ANAPC5: variants seen among roughly 807,000 people sequenced by gnomAD.
ANAPC5 encodes the protein anaphase promoting complex subunit 5.
A neutral mutation model predicts 91.3 loss-of-function variants in ANAPC5; 60 were observed. The observed-to-expected ratio is 0.66, with a 90% CI of 0.53 to 0.81. The LOEUF (loss-of-function observed/expected upper bound fraction) is 0.81, where lower values mean the gene tolerates loss of function less well. ANAPC5 is among the 40% of genes least tolerant of loss of function. The probability of loss-of-function intolerance (pLI) is 0.00; values close to 1 mark genes in which losing one functional copy is unlikely to be tolerated. For synonymous variants in ANAPC5, 340 were observed against 364.1 expected, an observed-to-expected ratio of 0.93 and a Z score of 0.75; for missense variants, 690 against 931.5, an observed-to-expected ratio of 0.74 and a Z score of 3.37.
At position 121,330,689 on chromosome 12, in the gene ANAPC5, T is replaced by C. The variant is rs369753396; in HGVS notation, c.1033-17A>G. On this transcript the variant is annotated splice_polypyrimidine_tract_variant and intron_variant, in intron 8 of 16. Transcript: ENST00000261819. ...AAGCCAGCTCTGGCAAGAGAAATCA[T>C]CAAAATATATCATAACAGTGGCAAT... 1.4e-5 allele frequency: 23 copies of C among 1,601,076 alleles called. No homozygotes were observed. Among genetic ancestry groups the C allele is most frequent in the Non-Finnish European group, 4.3e-6 (5 of 1,168,364 alleles).
At chr12:121,332,580 T>TG (rs1482641030) in intron 7 of ANAPC5, 1 of 151,502 alleles carries the variant, frequency 6.6e-6, no homozygotes, top group Non-Finnish European at 1.5e-5. Context: ...ATAACAAGTT[T>TG]TTTTTTTTCT....
Position 121,351,614 on chromosome 12 carries a change from C to T in ANAPC5, c.207+520G>A, listed in dbSNP as rs540442646. Among the ~76,000 whole-genome samples the T allele has an allele frequency of 2.6e-5, 4 of 152,008 alleles. 1 individual carries two copies. The highest frequency in any genetic ancestry group is 9.6e-5 in the African/African-American group (4 of 41,494). ...CTGAAATTACAGGTGCCCGCCACCA[C>T]GTCCAGCTAATTTTTTGTGTTTTTA... On this transcript the variant is annotated intron_variant, in intron 1 of 16. Coordinates refer to ENST00000261819, the MANE Select transcript of ANAPC5 (RefSeq NM_016237.5).
intron 7 of ANAPC5, chr12:121,333,655 G>C (rs1407527382): frequency 6.6e-6 from 1 of 152,188 alleles, no homozygotes; most frequent in Non-Finnish European, 1.5e-5. Context: ...CTAGGCCTCA[G>C]CACCTCACTG....
chr12:121,344,352 G>A (rs571348378), intron 4 of ANAPC5, among the ~76,000 whole-genome samples: 166 of 152,344 alleles, frequency 1.1e-3, no homozygotes, highest in Non-Finnish European at 1.9e-3. Context: ...GCCAAGGCGG[G>A]TGGATCACCT....
At chr12:121,348,726 T>G (rs1903768992) in intron 1 of ANAPC5, among the ~76,000 whole-genome samples, 1 of 152,178 alleles carries the variant, frequency 6.6e-6, no homozygotes, top group Admixed American at 6.6e-5. Context: ...ACCAAGAAGA[T>G]TACAGTCTAG....
chr12:121,323,425 A>G (rs1902696259), intron 11 of ANAPC5, among the ~76,000 whole-genome samples: 1 of 151,988 alleles, frequency 6.6e-6, no homozygotes, highest in African/African-American at 2.4e-5. Flanking sequence ...CCTAGGTTCA[A>G]GCAATCCTCC....
Position 121,309,686 on chromosome 12 carries a change from C to T in ANAPC5, c.2056+15G>A, listed in dbSNP as rs374369112. 20 of 1,609,916 alleles carry T rather than the reference C, an allele frequency of 1.2e-5. No homozygotes were observed. Among genetic ancestry groups the T allele is most frequent in the African/African-American group, 2.7e-5 (2 of 74,760 alleles). On this transcript the variant is annotated intron_variant, in intron 16 of 16. Transcript: ENST00000261819. ...TGGAATAGCATTGCCTAACAGTCTT[C>T]GTACAGCTTCCTACCTTCTGCTTTC...
intron 13 of ANAPC5, among the ~76,000 whole-genome samples, chr12:121,319,114 A>AACAC (rs144370647): frequency 2.7e-4 from 31 of 114,636 alleles, no homozygotes; most frequent in South Asian, 8.1e-4. Context: ...TGTATACACA[A>AACAC]ACACACACAC....
rs1242856611 is a variant in ANAPC5, at chr12:121,309,690, C to T, written c.2056+11G>A. On this transcript the variant is annotated intron_variant, in intron 16 of 16. Transcript: ENST00000261819. ...ATAGCATTGCCTAACAGTCTTCGTA[C>T]AGCTTCCTACCTTCTGCTTTCTTCG... 1.2e-6 allele frequency: 2 copies of T among 1,611,114 alleles called. No homozygotes were observed. The highest frequency in any genetic ancestry group is 1.7e-5 in the Admixed American group (1 of 59,398).
upstream of ANAPC5, chr12:121,352,519 G>A (rs1903945089): frequency 1.7e-6 from 1 of 579,398 alleles, no homozygotes; most frequent in Non-Finnish European, 3.1e-6. Flanking sequence ...ATGGGAGAGC[G>A]ACAGCCAGTC....
At chr12:121,346,827 T>C (rs1903684278) in intron 3 of ANAPC5, 69 bp downstream of exon 3, 5 of 917,796 alleles carry the variant, frequency 5.4e-6, no homozygotes, top group Non-Finnish European at 4.9e-6. Flanking sequence ...AGAACAATGA[T>C]AGACATGACT....
chr12:121,350,977 A>T, intron 1 of ANAPC5: 1 of 374,582 alleles, frequency 2.7e-6, no homozygotes, highest in Non-Finnish European at 5.3e-6. Flanking sequence ...ACATGCTAGT[A>T]ACAGTTTCTA....
At chr12:121,335,427 A>G in intron 7 of ANAPC5, 106 bp downstream of exon 7, 1 of 1,319,494 alleles carries the variant, frequency 7.6e-7, no homozygotes. Flanking sequence ...TGGCCTCCCA[A>G]AGTGCTGGGA....
chr12:121,339,216 AT>A (rs1488735198), intron 5 of ANAPC5, among the ~76,000 whole-genome samples: 1 of 151,522 alleles, frequency 6.6e-6, no homozygotes, highest in Non-Finnish European at 1.5e-5. Flanking sequence ...CATCTGGCTA[AT>A]TTTTTGTATT....
At chr12:121,310,074 A>T (rs941888900) in intron 15 of ANAPC5, 7 of 390,432 alleles carry the variant, frequency 1.8e-5, no homozygotes, top group Middle Eastern at 6.8e-4. Flanking sequence ...GGGGGCGGTT[A>T]TTCACACTAT....
chr12:121,353,856 A>T (rs377282055), upstream of ANAPC5, among the ~76,000 whole-genome samples: 69 of 152,044 alleles, frequency 4.5e-4, no homozygotes, highest in South Asian at 6.2e-3. Context: ...GCCTCCAGTT[A>T]AAGTAGGTAA....
At position 121,325,971 on chromosome 12, in the gene ANAPC5, A is replaced by G. The variant is rs1196038880; in HGVS notation, c.1440+1125T>C. Reference sequence around the variant, plus strand: ...AGAGAAGTGATGTTAAGGAGGTGCCAGTGCCACGAAGAGGGAAGAAACAAG... The same window carrying G: ...AGAGAAGTGATGTTAAGGAGGTGCCGGTGCCACGAAGAGGGAAGAAACAAG... On this transcript the variant is annotated intron_variant, in intron 11 of 16. Coordinates refer to ENST00000261819, the MANE Select transcript of ANAPC5 (RefSeq NM_016237.5). Among the ~76,000 whole-genome samples, 4 of 152,224 alleles carry G rather than the reference A, an allele frequency of 2.6e-5. No homozygotes were observed. The East Asian group carries it at 7.7e-4, about 29-fold the overall frequency.
chr12:121,328,393 G>C lies in ANAPC5; in HGVS notation c.1227C>G (p.His409Gln), dbSNP rs782571963. ...TGAGCTCTGACAGGCTGTGTTTCCA[G>C]TGCAGGAGGTCGGAGTCCTTTAGGG... ...MDALKDSDLL[H>Q]WKHSLSELID... The change falls in exon 10 of 17, where the codon CAC becomes CAG. Residue 409 changes from histidine to glutamine, a missense_variant. By Grantham distance (24) the His-to-Gln change is conservative. Coordinates refer to ENST00000261819, the MANE Select transcript of ANAPC5 (RefSeq NM_016237.5). 6.2e-7 allele frequency: 1 copy of C among 1,613,982 alleles called. No homozygotes were observed. The highest frequency in any genetic ancestry group is 2.2e-5 in the East Asian group (1 of 44,868).
intron 1 of ANAPC5, among the ~76,000 whole-genome samples, chr12:121,350,202 A>C (rs1221752249): frequency 6.6e-6 from 1 of 152,094 alleles, no homozygotes; most frequent in Non-Finnish European, 1.5e-5. Context: ...ACAAGTGATA[A>C]ATTTTTTAAA....
Sources: gnomAD v4.1 joint callset for allele counts (sites outside exome capture counted in the v4.1 genomes callset) on GRCh38, gnomAD v4.1.1 for gene constraint, MANE v1.5 for transcripts, NCBI Gene and HGNC (gene_info 2026-07-23, HGNC 2026-07-21) for gene names.